GAPVD1: variants seen among roughly 807,000 people sequenced by gnomAD.
GAPVD1 encodes the protein GTPase-activating protein and VPS9 domain-containing protein 1.
GAPVD1 carries 35 observed loss-of-function variants against 155.5 expected under a neutral mutation model. The observed-to-expected ratio is 0.23, with a 90% CI of 0.17 to 0.30. The LOEUF is 0.30. Ranked by LOEUF, GAPVD1 falls within the 10% of genes least tolerant of loss-of-function variation. The pLI is 1.00. For missense variants in GAPVD1, 1,429 were observed against 1,775.7 expected, an observed-to-expected ratio of 0.80 and a Z score of 3.51; for synonymous variants, 636 against 619.7, an observed-to-expected ratio of 1.03 and a Z score of -0.39.
intron 2 of GAPVD1, among the ~76,000 whole-genome samples, chr9:125,273,476 A>C (rs1835229199): frequency 6.7e-6 from 1 of 150,296 alleles, no homozygotes; most frequent in African/African-American, 2.4e-5. Context: ...TTGGTGCCAA[A>C]TTTTTATTGT....
At chr9:125,274,342 C>A (rs577657729) in intron 2 of GAPVD1, among the ~76,000 whole-genome samples, 26 of 151,482 alleles carry the variant, frequency 1.7e-4, no homozygotes, top group Admixed American at 4.0e-4. Context: ...TTAAAAAAAA[C>A]TAAAAACAAT....
At chr9:125,265,675 T>C (rs1833796852) in intron 1 of GAPVD1, among the ~76,000 whole-genome samples, 1 of 131,076 alleles carries the variant, frequency 7.6e-6, no homozygotes. Context: ...CCTCCCATAG[T>C]GCTGGGATTA....
chr9:125,353,452 C>T (rs1357266622), intron 23 of GAPVD1, among the ~76,000 whole-genome samples: 3 of 152,190 alleles, frequency 2.0e-5, no homozygotes, highest in African/African-American at 4.8e-5. Context: ...ACTGTTCCAT[C>T]CTCTGCCTGT....
intron 2 of GAPVD1, among the ~76,000 whole-genome samples, chr9:125,271,058 G>A (rs941008492): frequency 6.6e-6 from 1 of 152,060 alleles, no homozygotes; most frequent in African/African-American, 2.4e-5. Context: ...ATAAATGCTT[G>A]TGTCTGAAAG....
chr9:125,335,388 A>T (rs13288223), intron 15 of GAPVD1: 176,014 of 388,000 alleles, frequency 0.45, 34,795 homozygotes, highest in African/African-American at 0.53. Flanking sequence ...TTTTTTTTTT[A>T]AAAATGGGGC....
At position 125,350,341 on chromosome 9, in the gene GAPVD1, G is replaced by T. The variant is rs1849115948; in HGVS notation, c.3346G>T (p.Val1116Phe). 6.3e-7 allele frequency: 1 copy of T among 1,595,732 alleles called. No homozygotes were observed. Among genetic ancestry groups the T allele is most frequent in the South Asian group, 1.2e-5 (1 of 86,920 alleles). Reference sequence around the variant, plus strand: ...GCTTGCTCTTTGCTCTGCGGACTCTGTTGCCTTCCCAGTGCTGACCCATTC... The same window carrying T: ...GCTTGCTCTTTGCTCTGCGGACTCTTTTGCCTTCCCAGTGCTGACCCATTC... ...LRLALCSADS[V>F]AFPVLTHSTR... The change falls in exon 22 of 28, where the codon GTT (valine) becomes TTT (phenylalanine). Residue 1116 changes from valine (V) to phenylalanine (F), a missense_variant. Around this residue, in one of 4 missense-constraint regions of GAPVD1, gnomAD observed 699 missense variants for 826.0 expected, o/e 0.85. Coordinates refer to ENST00000297933, the MANE Select transcript of GAPVD1 (RefSeq NM_001282680.3).
chr9:125,345,150 G>T (rs888242774), intron 19 of GAPVD1, among the ~76,000 whole-genome samples: 1 of 150,922 alleles, frequency 6.6e-6, no homozygotes, highest in African/African-American at 2.4e-5. Flanking sequence ...TGTGTGAAAT[G>T]TAGTGTTTTC....
intron 13 of GAPVD1, among the ~76,000 whole-genome samples, chr9:125,331,045 C>T (rs1389980321): frequency 6.6e-6 from 1 of 151,572 alleles, no homozygotes; most frequent in African/African-American, 2.4e-5. Flanking sequence ...TTTGTCTTTT[C>T]ATATGCATTG....
chr9:125,270,456 C>T (rs554795563), intron 2 of GAPVD1, among the ~76,000 whole-genome samples: 23 of 152,016 alleles, frequency 1.5e-4, no homozygotes, highest in African/African-American at 5.1e-4. Flanking sequence ...AGAATCTTTC[C>T]TTCTTTATGC....
intron 11 of GAPVD1, 123 bp from the exon 12 acceptor site, chr9:125,326,293 G>A (rs546951225): frequency 1.3e-5 from 8 of 633,860 alleles, no homozygotes; most frequent in Non-Finnish European, 1.9e-5. Context: ...CGAGGCGGGC[G>A]GATCACCTGA....
intron 20 of GAPVD1, among the ~76,000 whole-genome samples, chr9:125,348,511 TTG>T (rs1055318430): frequency 3.5e-4 from 53 of 152,168 alleles, no homozygotes; most frequent in African/African-American, 1.3e-3. Context: ...ATATGTTCTT[TTG>T]TGTGTGTGGT....
chr9:125,303,735 C>T (rs1208928686), intron 5 of GAPVD1, among the ~76,000 whole-genome samples: 20 of 146,566 alleles, frequency 1.4e-4, no homozygotes, highest in Non-Finnish European at 2.4e-4. Context: ...GAGATTGCAC[C>T]GTTGCACTCC....
At chr9:125,355,601 A>T in intron 24 of GAPVD1, 43 bp from the exon 25 acceptor site, 1 of 1,124,596 alleles carries the variant, frequency 8.9e-7, no homozygotes, top group African/African-American at 1.6e-5. Context: ...TTATTTAGAT[A>T]GTTTTTATTA....
In GAPVD1 at chr9:125,263,321, T is replaced by C. The variant is rs543866863; in HGVS notation, c.-199+1362T>C. ...AAAATTAGTTGGGTGTGGTGGCCCA[T>C]GCCTGTAATCCCAGCTACTTGGGAG... On this transcript the variant is annotated intron_variant, in intron 1 of 27. Coordinates refer to ENST00000297933, the MANE Select transcript of GAPVD1 (RefSeq NM_001282680.3). 1.3e-4 allele frequency among the ~76,000 whole-genome samples: 20 copies of C among 152,346 alleles called. No homozygotes were observed. The East Asian group carries it at 3.7e-3, about 28-fold the overall frequency.
At chr9:125,349,237 T>C (rs1335329464) in intron 20 of GAPVD1, among the ~76,000 whole-genome samples, 153 bp from the exon 21 acceptor site, 1 of 152,154 alleles carries the variant, frequency 6.6e-6, no homozygotes, top group East Asian at 1.9e-4. Flanking sequence ...TTCAGTTAAG[T>C]ATTTGAAGTT....
At chr9:125,359,535 T>A in intron 26 of GAPVD1, 43 bp downstream of exon 26, 1 of 931,930 alleles carries the variant, frequency 1.1e-6, no homozygotes, top group Non-Finnish European at 1.8e-6. Flanking sequence ...AACTAAATGC[T>A]GCGTGTTATT....
Position 125,349,459 on chromosome 9 carries a change from A to T in GAPVD1, c.3239A>T (p.Asp1080Val), listed in dbSNP as rs1172085335. Residue 1080 changes from aspartate to valine, a missense_variant, in exon 21 of 28, where the codon GAT (aspartate) becomes GTT (valine). Around this residue, in one of 4 missense-constraint regions of GAPVD1, gnomAD observed 699 missense variants for 826.0 expected, o/e 0.85. Coordinates refer to ENST00000297933, the MANE Select transcript of GAPVD1 (RefSeq NM_001282680.3). The stretch of plus-strand genomic sequence containing the variant: ...GAAGCACTGCAGAACATCTCGGCTG[A>T]TGATCTCCCAGACTCTGCAAGCCAA... ...RDEALQNISA[D>V]DLPDSASQAA... is the part of the protein sequence containing the mutation. 6.2e-7 allele frequency: 1 copy of T among 1,613,914 alleles called. No individual in the cohort carries two copies. The highest frequency in any genetic ancestry group is 1.1e-5 in the South Asian group (1 of 91,068).
intron 19 of GAPVD1, chr9:125,346,177 A>G (rs376596019): frequency 6.5e-6 from 1 of 152,904 alleles, no homozygotes; most frequent in Non-Finnish European, 1.5e-5. Flanking sequence ...TTTTTTCTCT[A>G]TGCATCTCAG....
chr9:125,300,041 ATATATATAT>A (rs1564330603), intron 4 of GAPVD1, among the ~76,000 whole-genome samples: 141 of 13,556 alleles, frequency 0.01, 30 homozygotes, highest in African/African-American at 0.015. Flanking sequence ...AAAAAAAAAT[ATATATATAT>A]ATATATATAT....
Sources: allele counts gnomAD v4.1 joint callset (sites outside exome capture counted in the v4.1 genomes callset), GRCh38; gene constraint gnomAD v4.1.1; regional missense constraint gnomAD v4.1.1; transcripts MANE v1.5; gene names NCBI Gene and HGNC (gene_info 2026-07-23, HGNC 2026-07-21).